VTI1A: variants seen among roughly 807,000 people sequenced by gnomAD.
VTI1A encodes the protein vesicle transport through interaction with t-SNAREs 1A.
A neutral mutation model predicts 34.9 loss-of-function variants in VTI1A; 22 were observed. The ratio of observed to expected loss-of-function variants is 0.63; its 90% CI spans 0.45 to 0.90. The LOEUF (loss-of-function observed/expected upper bound fraction) is 0.90, where lower values mean the gene tolerates loss of function less well. Ranked by LOEUF, VTI1A falls within the 40% of genes least tolerant of loss-of-function variation. The pLI is 0.00. For missense variants in VTI1A, 268 were observed against 275.6 expected, an observed-to-expected ratio of 0.97 and a Z score of 0.20; for synonymous variants, 87 against 97.3, an observed-to-expected ratio of 0.89 and a Z score of 0.62.
At chr10:112,568,707 T>C (rs1851997092) in intron 5 of VTI1A, among the ~76,000 whole-genome samples, 1 of 152,230 alleles carries the variant, frequency 6.6e-6, no homozygotes, top group African/African-American at 2.4e-5. Context: ...TTTGATTTTA[T>C]GTTCTCGCCT....
chr10:112,627,778 C>T (rs11196026), intron 5 of VTI1A, among the ~76,000 whole-genome samples: 9 of 152,030 alleles, frequency 5.9e-5, no homozygotes, highest in African/African-American at 2.4e-5. Flanking sequence ...GATCCCTGTT[C>T]TCATTAACTC....
At chr10:112,692,244 T>A (rs1381375259) in intron 7 of VTI1A, among the ~76,000 whole-genome samples, 1 of 152,332 alleles carries the variant, frequency 6.6e-6, no homozygotes, top group East Asian at 1.9e-4. Flanking sequence ...TTACAGACGG[T>A]ATAACAGTTG....
rs1342054825 is a variant in VTI1A, at chr10:112,668,287, G to C, written c.497G>C (p.Arg166Thr). The C allele has an allele frequency of 6.2e-7, 1 of 1,612,028 alleles. No individual in the cohort carries two copies. Reference protein sequence around the residue: ...DREKIQRARERLRETDANLGK... With the variant: ...DREKIQRARETLRETDANLGK... Reference sequence around the variant, plus strand: ...GAAAAGATACAGCGAGCACGTGAAAGAGTAAGTACAATTGATACAGTTTTT... The same window carrying C: ...GAAAAGATACAGCGAGCACGTGAAACAGTAAGTACAATTGATACAGTTTTT... Residue 166 changes from arginine to threonine, a missense_variant and splice_region_variant, in exon 6 of 8, where the codon AGA becomes ACA. Coordinates refer to ENST00000393077, the MANE Select transcript of VTI1A (RefSeq NM_145206.4).
chr10:112,450,606 A>G (rs952035409), intron 1 of VTI1A: 3 of 152,356 alleles, frequency 2.0e-5, no homozygotes, highest in East Asian at 3.9e-4. Flanking sequence ...GCATGTTACA[A>G]TGTATTAAAG....
At chr10:112,807,074 T>G (rs150431677) in intron 7 of VTI1A, among the ~76,000 whole-genome samples, 1 of 152,330 alleles carries the variant, frequency 6.6e-6, no homozygotes, top group Non-Finnish European at 1.5e-5. Context: ...CACAGCTGCA[T>G]GCAAAGCTTC....
rs186901840 is a variant in VTI1A, at chr10:112,499,604, C to T, written c.265-27483C>T. The stretch of plus-strand genomic sequence containing the variant: ...TCCCAGTCCTACAGACATTAAACTA[C>T]AGTCTTCCAACTTGAATTCATTAAA... On this transcript the variant is annotated intron_variant, in intron 3 of 7. Coordinates refer to ENST00000393077, the MANE Select transcript of VTI1A (RefSeq NM_145206.4). Among the ~76,000 whole-genome samples the T allele has an allele frequency of 5.9e-5, 9 of 152,344 alleles. No homozygotes were observed. In the East Asian group the frequency reaches 1.7e-3, roughly 29 times the overall value.
intron 5 of VTI1A, among the ~76,000 whole-genome samples, chr10:112,546,856 C>T (rs1469309663): frequency 6.6e-6 from 1 of 152,130 alleles, no homozygotes; most frequent in Admixed American, 6.5e-5. Flanking sequence ...AGAGTGGATT[C>T]TTTCCATTTC....
intron 3 of VTI1A, among the ~76,000 whole-genome samples, chr10:112,497,312 C>T (rs919990127): frequency 1.4e-4 from 21 of 150,432 alleles, no homozygotes; most frequent in African/African-American, 4.9e-4. Context: ...AGCTAGACTC[C>T]GTCTCAAAAA....
rs939492267 is a variant in VTI1A at position 112,645,674 on chromosome 10, C to G, written c.428-22544C>G. The stretch of plus-strand genomic sequence containing the variant: ...TCTCTCAGATGATCTAATCCAACTC[C>G]TGAGTGGAATAAATAACTTCTAAAA... On this transcript the variant is annotated intron_variant, in intron 5 of 7. Transcript: ENST00000393077. 2.0e-5 allele frequency among the ~76,000 whole-genome samples: 3 copies of G among 152,156 alleles called. No homozygotes were observed. In the East Asian group the frequency reaches 5.8e-4, roughly 29 times the overall value.
chr10:112,525,664 T>G (rs904294817), intron 3 of VTI1A, among the ~76,000 whole-genome samples: 4 of 152,340 alleles, frequency 2.6e-5, no homozygotes, highest in Non-Finnish European at 5.9e-5. Flanking sequence ...AACTAAATTT[T>G]TTTCTTATGT....
intron 7 of VTI1A, among the ~76,000 whole-genome samples, chr10:112,744,425 C>CATATGCTT (rs1185222381): frequency 6.6e-6 from 1 of 150,682 alleles, no homozygotes; most frequent in East Asian, 2.0e-4. Context: ...GAACATATGG[C>CATATGCTT]ATATGCTTAC....
At chr10:112,520,251 T>A (rs774948941) in intron 3 of VTI1A, among the ~76,000 whole-genome samples, 10 of 152,050 alleles carry the variant, frequency 6.6e-5, no homozygotes, top group Non-Finnish European at 1.2e-4. Context: ...ATGAGCTGAT[T>A]TTCTGAATGA....
intron 7 of VTI1A, among the ~76,000 whole-genome samples, chr10:112,730,293 C>T (rs1850202222): frequency 6.6e-6 from 1 of 152,200 alleles, no homozygotes; most frequent in African/African-American, 2.4e-5. Context: ...CCTGAGTTTT[C>T]CATTTCTCCT....
At chr10:112,705,724 C>T (rs766807877) in intron 7 of VTI1A, among the ~76,000 whole-genome samples, 5 of 152,156 alleles carry the variant, frequency 3.3e-5, no homozygotes, top group Admixed American at 6.5e-5. Flanking sequence ...CATCAGAATC[C>T]GTGTGGACTG....
At chr10:112,770,974 T>C (rs967791980) in intron 7 of VTI1A, among the ~76,000 whole-genome samples, 2 of 152,160 alleles carry the variant, frequency 1.3e-5, no homozygotes, top group Non-Finnish European at 2.9e-5. Context: ...AGCTTCTCTC[T>C]AAAGACATTT....
chr10:112,606,773 T>A (rs112662318), intron 5 of VTI1A, among the ~76,000 whole-genome samples: 3 of 152,178 alleles, frequency 2.0e-5, no homozygotes, highest in Non-Finnish European at 4.4e-5. Flanking sequence ...GAAGACTCAC[T>A]TTTCTGTTTC....
intron 7 of VTI1A, among the ~76,000 whole-genome samples, chr10:112,804,440 A>G (rs527366651): frequency 1.2e-4 from 19 of 152,248 alleles, no homozygotes; most frequent in Non-Finnish European, 2.2e-4. Context: ...ATGATTTGCC[A>G]GCTGCACACA....
At chr10:112,745,933 C>T (rs1418322608) in intron 7 of VTI1A, among the ~76,000 whole-genome samples, 1 of 152,170 alleles carries the variant, frequency 6.6e-6, no homozygotes, top group Non-Finnish European at 1.5e-5. Context: ...AAACTCAAGT[C>T]TTTAGAGGCC....
chr10:112,770,737 C>T (rs1006324002), intron 7 of VTI1A, among the ~76,000 whole-genome samples: 2 of 151,916 alleles, frequency 1.3e-5, no homozygotes, highest in East Asian at 1.9e-4. Flanking sequence ...AAATTAATTC[C>T]GTAGTTAAAT....
Sources: allele counts gnomAD v4.1 joint callset (sites outside exome capture counted in the v4.1 genomes callset), GRCh38; gene constraint gnomAD v4.1.1; transcripts MANE v1.5; gene names NCBI Gene and HGNC (gene_info 2026-07-23, HGNC 2026-07-21).